GPR50: variants seen among roughly 807,000 people sequenced by gnomAD.
GPR50 encodes G protein-coupled receptor 50, also known as melatonin-related receptor.
GPR50 carries 1 observed loss-of-function variant against 2.6 expected under a neutral mutation model. That is an observed-to-expected ratio of 0.38 (90% CI 0.13 to 1.79). The LOEUF (loss-of-function observed/expected upper bound fraction) is 1.79, where lower values mean the gene tolerates loss of function less well. GPR50 is among the 40% of genes most tolerant of loss of function. GPR50 has a pLI of 0.33. For missense variants in GPR50, 535 were observed against 522.1 expected, an observed-to-expected ratio of 1.02 and a Z score of -0.24; for synonymous variants, 233 against 202.3, an observed-to-expected ratio of 1.15 and a Z score of -1.29.
downstream of GPR50, among the ~76,000 whole-genome samples, chrX:151,181,913 T>C (rs1223112128): frequency 8.9e-6 from 1 of 112,791 alleles, no homozygotes; most frequent in African/African-American, 3.2e-5. Context: ...CAGCTTTATG[T>C]TCTTCAATGT....
intron 1 of GPR50, among the ~76,000 whole-genome samples, chrX:151,178,127 C>G (rs2048691599): frequency 9.5e-6 from 1 of 105,292 alleles, no homozygotes; most frequent in Non-Finnish European, 2.0e-5. Context: ...GAGTGGGGAC[C>G]GAAGGGGGTC....
intron 1 of GPR50, 90 bp downstream of exon 1, chrX:151,176,998 T>C (rs755537951): frequency 1.4e-4 from 85 of 602,457 alleles, no homozygotes; most frequent in Middle Eastern, 9.5e-4. Context: ...AGAGAATCTA[T>C]GGACAGTGCC....
At position 151,181,311 on chromosome X, in the gene GPR50, C is replaced by G; in HGVS notation, c.1728C>G (p.Ala576=). ...SPAAGPTKPA[A]SQLESDTIAD... is the part of the protein sequence containing the mutation. ...CCGCTGGGCCCACCAAGCCTGCTGC[C>G]AGCCAGCTGGAGTCTGACACCATCG... The change falls in exon 2 of 2, where the codon GCC becomes GCG. Residue 576 remains alanine (A), a synonymous_variant. Transcript: ENST00000218316. 8.3e-7 allele frequency: 1 copy of G among 1,210,808 alleles called. No individual in the cohort carries two copies. The highest frequency in any genetic ancestry group is 1.8e-5 in the South Asian group (1 of 56,950).
Position 151,180,647 on chromosome X carries a change from G to C in GPR50, c.1064G>C (p.Cys355Ser), listed in dbSNP as rs771505568. The C allele has an allele frequency of 1.7e-6, 2 of 1,211,401 alleles. No individual in the cohort carries two copies. The highest frequency in any genetic ancestry group is 4.3e-5 in the Admixed American group (2 of 46,083). ...QAREQDRAHA[C>S]PAVEETPMNV... The stretch of plus-strand genomic sequence containing the variant: ...CGTGAACAAGACCGTGCCCATGCCT[G>C]TCCTGCTGTGGAGGAAACCCCGATG... Residue 355 changes from cysteine (C) to serine (S), a missense_variant, in exon 2 of 2, where the codon TGT becomes TCT. Transcript: ENST00000218316.
chrX:151,180,645 C>G lies in GPR50; in HGVS notation c.1062C>G (p.Ala354=). ...CTCGTGAACAAGACCGTGCCCATGC[C>G]TGTCCTGCTGTGGAGGAAACCCCGA... ...DQAREQDRAH[A]CPAVEETPMN... is the part of the protein sequence containing the mutation. The change falls in exon 2 of 2, where the codon GCC becomes GCG. Residue 354 remains alanine, a synonymous_variant. Coordinates refer to ENST00000218316, the MANE Select transcript of GPR50 (RefSeq NM_004224.3). The G allele has an allele frequency of 8.3e-7, 1 of 1,211,468 alleles. No individual in the cohort carries two copies. The highest frequency in any genetic ancestry group is 1.1e-6 in the Non-Finnish European group (1 of 895,245).
At position 151,179,866 on chromosome X, in the gene GPR50, G is replaced by A; in HGVS notation, c.283G>A (p.Asp95Asn). 8.3e-7 allele frequency: 1 copy of A among 1,210,406 alleles called. No homozygotes were observed. The highest frequency in any genetic ancestry group is 1.1e-6 in the Non-Finnish European group (1 of 894,533). Residue 95 changes from aspartate to asparagine, a missense_variant, in exon 2 of 2, where the codon GAT becomes AAT. Asp to Asn is a conservative substitution (Grantham distance 23). Coordinates refer to ENST00000218316, the MANE Select transcript of GPR50 (RefSeq NM_004224.3). ...MLHAMSIGGWDLSQLQCQMVG... is the reference protein window; with the variant it reads ...MLHAMSIGGWNLSQLQCQMVG... Reference sequence around the variant, plus strand: ...GCATGCCATGTCCATTGGGGGCTGGGATCTGAGCCAGTTACAGTGCCAGAT... The same window carrying A: ...GCATGCCATGTCCATTGGGGGCTGGAATCTGAGCCAGTTACAGTGCCAGAT...
rs1356454277 is a variant in GPR50 at position 151,180,677 on chromosome X, T to C, written c.1094T>C (p.Val365Ala). 8.3e-7 allele frequency: 1 copy of C among 1,209,609 alleles called. No individual in the cohort carries two copies. Among genetic ancestry groups the C allele is most frequent in the Non-Finnish European group, 1.1e-6 (1 of 895,127 alleles). Residue 365 changes from valine to alanine, a missense_variant, in exon 2 of 2, where the codon GTC becomes GCC. By Grantham distance (64) the Val-to-Ala change is moderately conservative (BLOSUM62 0). Transcript: ENST00000218316. ...GCTGTGGAGGAAACCCCGATGAATGTCCGGAATGTTCCATTACCTGGTGAT... is the reference window on the plus strand; with the variant it reads ...GCTGTGGAGGAAACCCCGATGAATGCCCGGAATGTTCCATTACCTGGTGAT... ...CPAVEETPMN[V>A]RNVPLPGDAA... is the part of the protein sequence containing the mutation.
Position 151,176,882 on chromosome X carries a change from C to G in GPR50, c.161C>G (p.Thr54Arg), listed in dbSNP as rs200181373. 131 of 1,203,705 alleles carry G rather than the reference C, an allele frequency of 1.1e-4. No individual in the cohort carries two copies. Among genetic ancestry groups the G allele is most frequent in the Non-Finnish European group, 1.4e-4 (126 of 891,073 alleles). The change falls in exon 1 of 2, where the codon ACG becomes AGG. Residue 54 changes from threonine (T) to arginine (R), a missense_variant. Coordinates refer to ENST00000218316, the MANE Select transcript of GPR50 (RefSeq NM_004224.3). ...AACTCCATGGTCATTTTGGCTGTGA[C>G]GAAGAACAAGAAGCTCCGGAATTCT... ...IGNSMVILAVTKNKKLRNSGN... is the reference protein window; with the variant it reads ...IGNSMVILAVRKNKKLRNSGN...
Position 151,180,940 on chromosome X carries a change from T to C in GPR50, c.1357T>C (p.Phe453Leu), listed in dbSNP as rs1332704667. 8 of 1,210,688 alleles carry C rather than the reference T, an allele frequency of 6.6e-6. No homozygotes were observed. Among genetic ancestry groups the C allele is most frequent in the Non-Finnish European group, 8.9e-6 (8 of 895,252 alleles). ...CCATTTCAAGGCTGACTCTGTCCAT[T>C]TCAAGGGTGACTCTGTCCATTTCAA... ...SVHFKADSVH[F>L]KGDSVHFKPD... The change falls in exon 2 of 2, where the codon TTC (phenylalanine) becomes CTC (leucine). Residue 453 changes from phenylalanine (F) to leucine (L), a missense_variant. Coordinates refer to ENST00000218316, the MANE Select transcript of GPR50 (RefSeq NM_004224.3).
At chrX:151,179,107 G>C (rs886981035) in intron 1 of GPR50, among the ~76,000 whole-genome samples, 44 of 88,615 alleles carry the variant, frequency 5.0e-4, no homozygotes, top group Non-Finnish European at 8.8e-4. Context: ...TACTTCTTTG[G>C]TCTCAGACTA....
Position 151,181,390 on chromosome X carries a change from G to T in GPR50, c.1807G>T (p.Val603Phe). Residue 603 changes from valine to phenylalanine, a missense_variant, in exon 2 of 2, where the codon GTC (valine) becomes TTC (phenylalanine). By Grantham distance (50) the Val-to-Phe change is conservative. Coordinates refer to ENST00000218316, the MANE Select transcript of GPR50 (RefSeq NM_004224.3). ...VTTSTNDYHDVVVIDVEDDPD... is the reference protein window; with the variant it reads ...VTTSTNDYHDFVVIDVEDDPD... ...TACCAGTACCAATGATTACCATGAT[G>T]TCGTGGTTATTGATGTTGAAGATGA... 8.4e-7 allele frequency: 1 copy of T among 1,191,932 alleles called. No individual in the cohort carries two copies.
chrX:151,181,009 C>T lies in GPR50; in HGVS notation c.1426C>T (p.Pro476Ser). The T allele has an allele frequency of 8.3e-7, 1 of 1,211,284 alleles. No individual in the cohort carries two copies. Among genetic ancestry groups the T allele is most frequent in the South Asian group, 1.8e-5 (1 of 56,961 alleles). The change falls in exon 2 of 2, where the codon CCC becomes TCC. Residue 476 changes from proline (P) to serine (S), a missense_variant. Coordinates refer to ENST00000218316, the MANE Select transcript of GPR50 (RefSeq NM_004224.3). ...CAAGCCTGCTTCCAGCAACCCCAAG[C>T]CCATCACTGGCCACCATGTCTCTGC... Reference protein sequence around the residue: ...HFKPASSNPKPITGHHVSAGS... With the variant: ...HFKPASSNPKSITGHHVSAGS...
rs766181640 is a variant in GPR50, at chrX:151,179,782, G to A, written c.199G>A (p.Val67Met). The A allele has an allele frequency of 1.6e-5, 19 of 1,159,000 alleles. No homozygotes were observed. The highest frequency in any genetic ancestry group is 1.3e-4 in the African/African-American group (7 of 55,174). ...KKLRNSGNIF[V>M]VSLSVADMLV... ...GATATGTTTTTCAGGCAACATCTTC[G>A]TGGTCAGTCTCTCTGTGGCCGATAT... The change falls in exon 2 of 2, where the codon GTG becomes ATG. Residue 67 changes from valine (V) to methionine (M), a missense_variant. By Grantham distance (21) the Val-to-Met change is conservative. Coordinates refer to ENST00000218316, the MANE Select transcript of GPR50 (RefSeq NM_004224.3).
chrX:151,180,690 A>C lies in GPR50; in HGVS notation c.1107A>C (p.Pro369=), dbSNP rs751416526. ...CCCCGATGAATGTCCGGAATGTTCC[A>C]TTACCTGGTGATGCTGCAGCTGGCC... ...EETPMNVRNV[P]LPGDAAAGHP... Residue 369 remains proline, a synonymous_variant, in exon 2 of 2, where the codon CCA becomes CCC. Coordinates refer to ENST00000218316, the MANE Select transcript of GPR50 (RefSeq NM_004224.3). 6.2e-5 allele frequency: 75 copies of C among 1,209,264 alleles called. No homozygotes were observed. Among genetic ancestry groups the C allele is most frequent in the Non-Finnish European group, 7.5e-5 (67 of 895,008 alleles).
intron 1 of GPR50, 108 bp downstream of exon 1, chrX:151,177,016 T>C (rs1255351754): frequency 1.9e-6 from 1 of 531,584 alleles, no homozygotes; most frequent in Non-Finnish European, 3.2e-6. Flanking sequence ...GCCCTCATAT[T>C]GAACATCCCT....
rs1193925783 is a variant in GPR50 at position 151,180,649 on chromosome X, C to T, written c.1066C>T (p.Pro356Ser). ...TGAACAAGACCGTGCCCATGCCTGT[C>T]CTGCTGTGGAGGAAACCCCGATGAA... Reference protein sequence around the residue: ...AREQDRAHACPAVEETPMNVR... With the variant: ...AREQDRAHACSAVEETPMNVR... The change falls in exon 2 of 2, where the codon CCT becomes TCT. Residue 356 changes from proline (P) to serine (S), a missense_variant. Coordinates refer to ENST00000218316, the MANE Select transcript of GPR50 (RefSeq NM_004224.3). The T allele has an allele frequency of 8.3e-7, 1 of 1,211,530 alleles. No homozygotes were observed.
In GPR50 at chrX:151,179,881, C is replaced by T; in HGVS notation, c.298C>T (p.Gln100Ter). The T allele has an allele frequency of 8.3e-7, 1 of 1,210,910 alleles. No homozygotes were observed. Among genetic ancestry groups the T allele is most frequent in the Non-Finnish European group, 1.1e-6 (1 of 894,803 alleles). ...SIGGWDLSQL[Q>*]CQMVGFITGL... ...TGGGGGCTGGGATCTGAGCCAGTTACAGTGCCAGATGGTCGGGTTCATCAC... is the reference window on the plus strand; with the variant it reads ...TGGGGGCTGGGATCTGAGCCAGTTATAGTGCCAGATGGTCGGGTTCATCAC... Residue 100 changes from glutamine (Q) to a stop codon, truncating the protein, a stop_gained, in exon 2 of 2, where the codon CAG (glutamine) becomes TAG (stop). Coordinates refer to ENST00000218316, the MANE Select transcript of GPR50 (RefSeq NM_004224.3). LOFTEE classifies it low-confidence loss of function (END_TRUNC).
chrX:151,177,671 C>G (rs1233297508), intron 1 of GPR50: 2 of 112,924 alleles, frequency 1.8e-5, no homozygotes, highest in Admixed American at 9.3e-5. Context: ...CAGGGCGGGC[C>G]GGCCAAGAGG....
rs200565120 is a variant in GPR50, at chrX:151,180,267, C to T, written c.684C>T (p.Asn228=). Residue 228 remains asparagine, a synonymous_variant, in exon 2 of 2, where the codon AAC becomes AAT. Transcript: ENST00000218316. The part of the protein sequence containing the change: ...ARDPAGQNPD[N]QLAEVRNFLT... ...ACCCTGCAGGGCAGAATCCTGACAA[C>T]CAACTTGCTGAGGTTCGCAATTTTC... is the stretch of plus-strand genomic sequence containing the variant. The T allele has an allele frequency of 6.6e-6, 8 of 1,206,126 alleles. No homozygotes were observed. Among genetic ancestry groups the T allele is most frequent in the Non-Finnish European group, 6.7e-6 (6 of 894,813 alleles).
Sources: gnomAD v4.1 joint callset for allele counts (sites outside exome capture counted in the v4.1 genomes callset) on GRCh38, gnomAD v4.1.1 for gene constraint, MANE v1.5 for transcripts, NCBI Gene and HGNC (gene_info 2026-07-23, HGNC 2026-07-21) for gene names.